ZNF536: variants seen among roughly 807,000 people sequenced by gnomAD.
The protein encoded by ZNF536 is zinc finger protein 536.
A neutral mutation model predicts 84.5 loss-of-function variants in ZNF536; 13 were observed. The ratio of observed to expected loss-of-function variants is 0.15; its 90% confidence interval spans 0.10 to 0.24. The LOEUF (loss-of-function observed/expected upper bound fraction) is 0.24. Ranked by LOEUF, ZNF536 falls within the 10% of genes least tolerant of loss-of-function variation. The pLI is 1.00. For missense variants in ZNF536, 1,536 were observed against 1,747.5 expected, an observed-to-expected ratio of 0.88 and a Z score of 2.16; for synonymous variants, 811 against 742.5, an observed-to-expected ratio of 1.09 and a Z score of -1.50.
At chr19:30,624,141 A>G (rs2048590258) in intron 1 of ZNF536, among the ~76,000 whole-genome samples, 1 of 152,060 alleles carries the variant, frequency 6.6e-6, no homozygotes, top group Admixed American at 6.5e-5. Context: ...CTATAATAGC[A>G]TAGTAGTCAG....
intron 1 of ZNF536, among the ~76,000 whole-genome samples, chr19:30,235,714 A>G (rs956663661): frequency 6.6e-6 from 1 of 152,254 alleles, no homozygotes; most frequent in African/African-American, 2.4e-5. Flanking sequence ...AATCTATTTA[A>G]ATCAAATCAG....
chr19:30,518,868 G>A (rs1039489340), intron 2 of ZNF536, among the ~76,000 whole-genome samples: 22 of 152,260 alleles, frequency 1.4e-4, no homozygotes, highest in Non-Finnish European at 3.1e-4. Flanking sequence ...AGAGGGATGG[G>A]GGTGCAGGGA....
At chr19:30,681,625 A>C (rs1291410854) in intron 1 of ZNF536, among the ~76,000 whole-genome samples, 1 of 152,208 alleles carries the variant, frequency 6.6e-6, no homozygotes. Flanking sequence ...TGCCCAGCAG[A>C]TACTGGTGGC....
intron 1 of ZNF536, among the ~76,000 whole-genome samples, chr19:30,373,837 C>T (rs2048702252): frequency 6.6e-6 from 1 of 152,216 alleles, no homozygotes; most frequent in Non-Finnish European, 1.5e-5. Flanking sequence ...GGATGATCTA[C>T]ACACACGGAG....
At chr19:30,277,660 C>T (rs1390454736) in intron 1 of ZNF536, among the ~76,000 whole-genome samples, 1 of 152,268 alleles carries the variant, frequency 6.6e-6, no homozygotes, top group Non-Finnish European at 1.5e-5. Flanking sequence ...TGCACACATA[C>T]ATGCACATAC....
chr19:30,701,323 A>C (rs1447576691), intron 1 of ZNF536, among the ~76,000 whole-genome samples: 1 of 151,584 alleles, frequency 6.6e-6, no homozygotes, highest in African/African-American at 2.4e-5. Context: ...AGACACACAC[A>C]AACACAAACA....
At chr19:30,382,197 G>A (rs1401684918) in intron 1 of ZNF536, among the ~76,000 whole-genome samples, 8 of 152,244 alleles carry the variant, frequency 5.3e-5, no homozygotes, top group East Asian at 1.9e-4. Flanking sequence ...TATGGCTAGC[G>A]ACAGACACAG....
chr19:30,293,563 C>T (rs2045908250), intron 2 of ZNF536, among the ~76,000 whole-genome samples: 1 of 152,176 alleles, frequency 6.6e-6, no homozygotes. Flanking sequence ...CAACAATAGG[C>T]TTCACGCGGC....
chr19:30,595,777 T>A (rs1388013237), intron 1 of ZNF536, among the ~76,000 whole-genome samples: 1 of 152,192 alleles, frequency 6.6e-6, no homozygotes, highest in Admixed American at 6.5e-5. Flanking sequence ...TTCCCTGACT[T>A]CCTGGAGTGT....
At chr19:30,234,424 A>T (rs545145629) in intron 1 of ZNF536, among the ~76,000 whole-genome samples, 9 of 102,940 alleles carry the variant, frequency 8.7e-5, no homozygotes, top group Admixed American at 1.3e-4. Flanking sequence ...TTTTTTTGAG[A>T]CAGAGTCTTA....
intron 2 of ZNF536, among the ~76,000 whole-genome samples, chr19:30,529,157 GA>G (rs1170081389): frequency 6.6e-6 from 1 of 152,142 alleles, no homozygotes; most frequent in Non-Finnish European, 1.5e-5. Flanking sequence ...ATTATACAAA[GA>G]AGTTCAGTGT....
chr19:30,337,950 T>C (rs28578585), intron 2 of ZNF536, among the ~76,000 whole-genome samples: 4,036 of 151,764 alleles, frequency 0.027, 175 homozygotes, highest in African/African-American at 0.093. Flanking sequence ...ATGATGATAA[T>C]GGTGATCGTG....
At chr19:30,284,442 G>A (rs1301622760) in intron 2 of ZNF536, among the ~76,000 whole-genome samples, 6 of 152,332 alleles carry the variant, frequency 3.9e-5, no homozygotes, top group African/African-American at 1.4e-4. Flanking sequence ...CCTGGAACCA[G>A]GGCTGAGAGC....
At chr19:30,537,586 C>T (rs1460696765) in intron 3 of ZNF536, among the ~76,000 whole-genome samples, 2 of 152,034 alleles carry the variant, frequency 1.3e-5, no homozygotes, top group East Asian at 1.9e-4. Context: ...GTCAGCTTCC[C>T]GGGGGGTAAG....
intron 1 of ZNF536, among the ~76,000 whole-genome samples, chr19:30,374,786 T>A (rs1875980240): frequency 6.6e-6 from 1 of 151,318 alleles, no homozygotes; most frequent in East Asian, 2.0e-4. Flanking sequence ...CCGGGGGAGC[T>A]GCGAGGCCAC....
At chr19:30,344,307 G>GGCGTGGTGT (rs2146599307) in intron 2 of ZNF536, among the ~76,000 whole-genome samples, 1 of 35,306 alleles carries the variant, frequency 2.8e-5, no homozygotes. Flanking sequence ...AAATATATTG[G>GGCGTGGTGT]CGGCCTCCTA....
rs1405623935 is a variant in ZNF536 at position 30,379,286 on chromosome 19, G to A, written c.-3+6730G>A. Among the ~76,000 whole-genome samples, 5 of 152,222 alleles carry A rather than the reference G, an allele frequency of 3.3e-5. No homozygotes were observed. In the East Asian group the frequency reaches 9.7e-4, roughly 30 times the overall value. ...TTCCTGAATGGCCTCTGTGTTGGGA[G>A]CTCCCGGTGAGGATAAGAAAGAGAA... is the stretch of plus-strand genomic sequence containing the variant. On this transcript the variant is annotated intron_variant, in intron 1 of 4. Transcript: ENST00000355537.
chr19:30,519,949 GGAT>G (rs1381445019), intron 2 of ZNF536, among the ~76,000 whole-genome samples: 1 of 152,180 alleles, frequency 6.6e-6, no homozygotes, highest in Non-Finnish European at 1.5e-5. Flanking sequence ...TTAAATTCTG[GGAT>G]GATTGGGCAG....
At chr19:30,603,447 C>T (rs1400177940) in intron 1 of ZNF536, among the ~76,000 whole-genome samples, 3 of 152,164 alleles carry the variant, frequency 2.0e-5, no homozygotes, top group African/African-American at 7.2e-5. Context: ...TTTAAACGAA[C>T]AAATAGAAGC....
Sources: allele counts gnomAD v4.1 joint callset (sites outside exome capture counted in the v4.1 genomes callset), GRCh38; gene constraint gnomAD v4.1.1; transcripts MANE v1.5; gene names NCBI Gene and HGNC (gene_info 2026-07-23, HGNC 2026-07-21).